Variants in CDH13 observed in about 807,000 individuals in gnomAD.
CDH13 encodes the protein cadherin-13.
In CDH13, 24 loss-of-function variants were observed where a neutral mutation model predicts 63.8. The ratio of observed to expected loss-of-function variants is 0.38; its 90% CI spans 0.27 to 0.53. The LOEUF (loss-of-function observed/expected upper bound fraction) is 0.53. Among genes scored for constraint, CDH13 ranks in the 20% least tolerant of loss-of-function variants. The pLI is 0.85. For synonymous variants in CDH13, 503 were observed against 355.3 expected (o/e 1.42, Z -4.67); for missense variants, 1,049 against 903.1 (o/e 1.16, Z -2.07).
At chr16:82,647,770 G>A (rs917819517) in intron 1 of CDH13, among the ~76,000 whole-genome samples, 13 of 152,200 alleles carry the variant, frequency 8.5e-5, no homozygotes, top group Non-Finnish European at 1.5e-5. Context: ...AAAGCCAGAA[G>A]AGACAGGAGC....
chr16:82,998,807 C>T (rs985636080), intron 2 of CDH13, among the ~76,000 whole-genome samples: 5 of 150,834 alleles, frequency 3.3e-5, no homozygotes, highest in African/African-American at 1.2e-4. Flanking sequence ...AAATCTCATT[C>T]ATGTACGCCT....
At chr16:83,480,468 G>C (rs1290401921) in intron 6 of CDH13, among the ~76,000 whole-genome samples, 1 of 152,162 alleles carries the variant, frequency 6.6e-6, no homozygotes, top group East Asian at 1.9e-4. Context: ...TTGTTACTGA[G>C]GACGGTTAGG....
At chr16:82,716,765 C>T (rs1188518363) in intron 1 of CDH13, among the ~76,000 whole-genome samples, 2 of 151,038 alleles carry the variant, frequency 1.3e-5, no homozygotes, top group Admixed American at 6.6e-5. Flanking sequence ...ATGAATATGC[C>T]AGGTCTGTTT....
At chr16:83,651,588 C>CTTTTTTTTTTTTTT (rs35237670) in intron 8 of CDH13, among the ~76,000 whole-genome samples, 3 of 75,306 alleles carry the variant, frequency 4.0e-5, no homozygotes, top group Non-Finnish European at 7.1e-5. Flanking sequence ...TTATTTTCCT[C>CTTTTTTTTTTTTTT]TTTTTTTTTT....
rs1186294757 is a variant in CDH13 at position 82,929,885 on chromosome 16, T to C, written c.157+71412T>C. ...GAAAGGAGTAGTCATAACAAATCTATAGATTGATTAGTTTTCACAAACCAA... is the reference window on the plus strand; with the variant it reads ...GAAAGGAGTAGTCATAACAAATCTACAGATTGATTAGTTTTCACAAACCAA... On this transcript the variant is annotated intron_variant, in intron 2 of 13. Coordinates refer to ENST00000567109, the MANE Select transcript of CDH13 (RefSeq NM_001257.5). Among the ~76,000 whole-genome samples, 6 of 151,828 alleles carry C rather than the reference T, an allele frequency of 4.0e-5. No homozygotes were observed. The East Asian group carries it at 1.2e-3, about 29-fold the overall frequency.
intron 10 of CDH13, chr16:83,710,393 C>T (rs1907839920): frequency 1.3e-5 from 2 of 152,188 alleles, no homozygotes; most frequent in South Asian, 2.1e-4. Context: ...GGCAAAAGTG[C>T]CTTATGACTG....
At chr16:83,341,989 C>CCCCA (rs767233245) in intron 5 of CDH13, among the ~76,000 whole-genome samples, 5 of 138,070 alleles carry the variant, frequency 3.6e-5, no homozygotes, top group Admixed American at 7.4e-5. Flanking sequence ...GTGTCCCCTG[C>CCCCA]CACACACACA....
intron 2 of CDH13, among the ~76,000 whole-genome samples, chr16:82,905,066 C>T (rs1050953313): frequency 1.3e-5 from 2 of 152,148 alleles, no homozygotes; most frequent in Non-Finnish European, 2.9e-5. Flanking sequence ...CTCGCTGAGT[C>T]TGAGAAAGGC....
rs145958208 is a variant in CDH13, at chr16:83,617,386, CA to C, written c.1101+14793del. Among the ~76,000 whole-genome samples the C allele has an allele frequency of 3.4e-3, 511 of 152,142 alleles. 7 individuals are homozygous for C. Among genetic ancestry groups the C allele is most frequent in the African/African-American group, 0.012 (492 of 41,504 alleles). ...GTATGCTATTCTATTCTAATATGCA[CA>C]TACCCTAATATGCACATATTCTAGT... On this transcript the variant is annotated intron_variant, in intron 8 of 13. Transcript: ENST00000567109.
At chr16:83,500,020 C>CT (rs1174089476) in intron 7 of CDH13, among the ~76,000 whole-genome samples, 3 of 151,954 alleles carry the variant, frequency 2.0e-5, no homozygotes, top group African/African-American at 7.2e-5. Context: ...CCAGGCTGGT[C>CT]TTGAACTCAT....
intron 2 of CDH13, among the ~76,000 whole-genome samples, chr16:82,919,616 G>A (rs2042094465): frequency 6.6e-6 from 1 of 152,134 alleles, no homozygotes; most frequent in South Asian, 2.1e-4. Context: ...ACCATTGATG[G>A]GCATTTAGTT....
chr16:83,507,561 A>T (rs2074430439), intron 7 of CDH13, among the ~76,000 whole-genome samples: 1 of 152,200 alleles, frequency 6.6e-6, no homozygotes, highest in Admixed American at 6.5e-5. Flanking sequence ...AGAGCCCAGG[A>T]AACGTTTCCA....
intron 5 of CDH13, among the ~76,000 whole-genome samples, chr16:83,297,893 G>T (rs1597692174): frequency 6.6e-6 from 1 of 151,948 alleles, no homozygotes; most frequent in African/African-American, 2.4e-5. Flanking sequence ...TCTCTACTCT[G>T]ATCTGTACAG....
chr16:83,045,393 C>G (rs879309982), intron 3 of CDH13, among the ~76,000 whole-genome samples: 1 of 152,032 alleles, frequency 6.6e-6, no homozygotes, highest in Non-Finnish European at 1.5e-5. Context: ...AATCCTAGCA[C>G]TTTGGGAGAC....
intron 4 of CDH13, among the ~76,000 whole-genome samples, chr16:83,170,600 C>A (rs1236191419): frequency 6.6e-6 from 1 of 152,122 alleles, no homozygotes; most frequent in East Asian, 1.9e-4. Flanking sequence ...GAACACAATT[C>A]TTCAAAGATA....
At chr16:83,278,737 T>C (rs1269827597) in intron 5 of CDH13, among the ~76,000 whole-genome samples, 1 of 152,150 alleles carries the variant, frequency 6.6e-6, no homozygotes, top group Admixed American at 6.5e-5. Flanking sequence ...TGGCCAAATA[T>C]GTTAGAGGCT....
At chr16:83,125,254 G>A (rs920439449) in intron 3 of CDH13, 131 bp from the exon 4 acceptor site, 1 of 617,026 alleles carries the variant, frequency 1.6e-6, no homozygotes, top group Non-Finnish European at 2.9e-6. Context: ...ATGCTAATAG[G>A]GTTTGATGGA....
chr16:83,172,357 G>GGTGCA (rs2037957020), intron 4 of CDH13, among the ~76,000 whole-genome samples: 1 of 151,972 alleles, frequency 6.6e-6, no homozygotes, highest in African/African-American at 2.4e-5. Context: ...CAGGCGTAGT[G>GGTGCA]GTGCATGCTT....
At chr16:82,795,446 A>G (rs191650802) in intron 1 of CDH13, among the ~76,000 whole-genome samples, 2 of 152,132 alleles carry the variant, frequency 1.3e-5, no homozygotes, top group East Asian at 3.9e-4. Context: ...GGGAACCTCA[A>G]ATTGTCATCC....
Sources: allele counts gnomAD v4.1 joint callset (sites outside exome capture counted in the v4.1 genomes callset), GRCh38; gene constraint gnomAD v4.1.1; transcripts MANE v1.5; gene names NCBI Gene and HGNC (gene_info 2026-07-23, HGNC 2026-07-21).